The following RASSF9 variants were observed in gnomAD, a reference collection of about 807,000 sequenced individuals.
RASSF9 encodes Ras association domain family member 9.
RASSF9 carries 18 observed loss-of-function variants against 21.4 expected under a neutral mutation model. The observed-to-expected ratio is 0.84, with a 90% confidence interval of 0.58 to 1.25. The LOEUF is 1.25. RASSF9 is among the 50% of genes most tolerant of loss of function. RASSF9 has a pLI of 0.00. For synonymous variants in RASSF9, 183 were observed against 179.1 expected (o/e 1.02, Z -0.18); for missense variants, 480 against 503.2 (o/e 0.95, Z 0.44).
At chr12:85,821,429 G>T (rs1253449361) in intron 1 of RASSF9, among the ~76,000 whole-genome samples, 1 of 152,110 alleles carries the variant, frequency 6.6e-6, no homozygotes, top group Non-Finnish European at 1.5e-5. Flanking sequence ...TTCTTAGGTT[G>T]CTAAGGAAAT....
chr12:85,825,855 A>T (rs1880322593), intron 1 of RASSF9, among the ~76,000 whole-genome samples: 1 of 151,980 alleles, frequency 6.6e-6, no homozygotes, highest in Admixed American at 6.6e-5. Flanking sequence ...GTTTGAAAGC[A>T]ATTTCAACCA....
In RASSF9 at chr12:85,836,189, C is replaced by T. The variant is rs1230120610; in HGVS notation, c.13G>A (p.Gly5Arg). Residue 5 changes from glycine (G) to arginine (R), a missense_variant, in exon 1 of 2, where the codon GGA becomes AGA. Coordinates refer to ENST00000361228, the MANE Select transcript of RASSF9 (RefSeq NM_005447.4). ...TGCCGAGTCTTTAGCAAGTTTCTTC[C>T]AAAGGGAGCCATGGTCTGTCGGGCA... MAPF[G>R]RNLLKTRHKN... is the part of the protein sequence containing the mutation. 23 of 1,541,746 alleles carry T rather than the reference C, an allele frequency of 1.5e-5. No individual in the cohort carries two copies. In the East Asian group the frequency reaches 1.7e-4, roughly 12 times the overall value.
intron 1 of RASSF9, 94 bp downstream of exon 1, chr12:85,836,056 CACAAA>C: frequency 6.5e-7 from 1 of 1,538,878 alleles, no homozygotes; most frequent in Admixed American, 2.0e-5. Flanking sequence ...ATCTAACAAC[CACAAA>C]ACACATACTT....
At chr12:85,821,450 G>A (rs1051260582) in intron 1 of RASSF9, among the ~76,000 whole-genome samples, 11 of 152,080 alleles carry the variant, frequency 7.2e-5, no homozygotes, top group African/African-American at 2.7e-4. Flanking sequence ...TTGAATCACT[G>A]TTTTGATAGA....
At chr12:85,819,707 G>C (rs1280302588) in intron 1 of RASSF9, among the ~76,000 whole-genome samples, 1 of 152,144 alleles carries the variant, frequency 6.6e-6, no homozygotes. Flanking sequence ...CAATATATGT[G>C]AAGTTCCTAA....
intron 1 of RASSF9, among the ~76,000 whole-genome samples, chr12:85,810,833 C>T (rs1291114422): frequency 2.0e-5 from 3 of 151,892 alleles, no homozygotes; most frequent in Non-Finnish European, 2.9e-5. Flanking sequence ...AGTTGAGACA[C>T]ACAACCTCTG....
rs1565756728 is a variant in RASSF9, at chr12:85,825,809, CACACA to C, written c.47+10341_47+10345del. 3.6e-3 allele frequency among the ~76,000 whole-genome samples: 549 copies of C among 152,076 alleles called. 3 individuals carry two copies. Among genetic ancestry groups the C allele is most frequent in the African/African-American group, 0.013 (530 of 41,460 alleles). On this transcript the variant is annotated intron_variant, in intron 1 of 1. Transcript: ENST00000361228. Reference sequence around the variant, plus strand: ...ACACACACACACACACACACACACACACACACCCTTACAGTCTAGTGGAAATAATG... The same window carrying C: ...ACACACACACACACACACACACACACCCCTTACAGTCTAGTGGAAATAATG...
At chr12:85,821,789 C>T (rs892074643) in intron 1 of RASSF9, among the ~76,000 whole-genome samples, 82 of 151,884 alleles carry the variant, frequency 5.4e-4, no homozygotes, top group African/African-American at 1.9e-3. Context: ...CCATAGTGGC[C>T]GGGTAGCTAT....
At chr12:85,825,552 C>G (rs1002804234) in intron 1 of RASSF9, among the ~76,000 whole-genome samples, 2 of 152,040 alleles carry the variant, frequency 1.3e-5, no homozygotes, top group East Asian at 3.9e-4. Context: ...TGTTTTCATA[C>G]TACAAGGACA....
At chr12:85,811,393 C>T (rs1370142731) in intron 1 of RASSF9, among the ~76,000 whole-genome samples, 2 of 151,654 alleles carry the variant, frequency 1.3e-5, no homozygotes. Flanking sequence ...CTAATGGGCA[C>T]CTCTATAGGA....
chr12:85,836,169 A>G lies in RASSF9; in HGVS notation c.33T>C (p.Thr11=). The G allele has an allele frequency of 2.7e-6, 4 of 1,490,014 alleles. No homozygotes were observed. Among genetic ancestry groups the G allele is most frequent in the Non-Finnish European group, 3.6e-6 (4 of 1,109,318 alleles). The allele number at this position is 1,490,014 out of a possible 1,614,324, so 92.3% of individuals were successfully genotyped here. The change falls in exon 1 of 2, where the codon ACT becomes ACC. Residue 11 remains threonine, a synonymous_variant. Coordinates refer to ENST00000361228, the MANE Select transcript of RASSF9 (RefSeq NM_005447.4). The part of the protein sequence containing the change: MAPFGRNLLK[T]RHKNRSPTKD... ...CTTGACTTTACCTGTTTTTATGCCG[A>G]GTCTTTAGCAAGTTTCTTCCAAAGG...
chr12:85,806,275 C>T (rs1303964436), intron 1 of RASSF9, among the ~76,000 whole-genome samples: 2 of 151,280 alleles, frequency 1.3e-5, no homozygotes, highest in Admixed American at 6.6e-5. Context: ...TGGTCTCGAT[C>T]TCCTGACCTT....
In RASSF9 at chr12:85,805,377, A is replaced by G. The variant is rs1486650036; in HGVS notation, c.633T>C (p.Ile211=). The G allele has an allele frequency of 6.2e-7, 1 of 1,613,434 alleles. No homozygotes were observed. The highest frequency in any genetic ancestry group is 1.1e-5 in the South Asian group (1 of 91,048). Residue 211 remains isoleucine (I), a synonymous_variant, in exon 2 of 2, where the codon ATT becomes ATC. Transcript: ENST00000361228. ...VKRMKELDLE[I]EKCEAKFHLD... Reference sequence around the variant, plus strand: ...GATGGAACTTAGCTTCACACTTTTCAATTTCCAGATCCAGCTCTTTCATTC... The same window carrying G: ...GATGGAACTTAGCTTCACACTTTTCGATTTCCAGATCCAGCTCTTTCATTC...
chr12:85,816,265 T>G (rs1880061768), intron 1 of RASSF9, among the ~76,000 whole-genome samples: 1 of 151,266 alleles, frequency 6.6e-6, no homozygotes, highest in South Asian at 2.1e-4. Context: ...GACAAAAGTT[T>G]ACCTATGTAA....
rs189070298 is a variant in RASSF9, at chr12:85,822,739, T to C, written c.47+13416A>G. 9.6e-4 allele frequency among the ~76,000 whole-genome samples: 146 copies of C among 152,294 alleles called. 2 individuals are homozygous for C. The highest frequency in any genetic ancestry group is 3.2e-3 in the African/African-American group (133 of 41,558). On this transcript the variant is annotated intron_variant, in intron 1 of 1. Transcript: ENST00000361228. ...TAATTCACCCCTTCGTAAACTCTTTTTATCTTCTGCCTTTTTCTCTGGTTC... is the reference window on the plus strand; with the variant it reads ...TAATTCACCCCTTCGTAAACTCTTTCTATCTTCTGCCTTTTTCTCTGGTTC...
chr12:85,831,951 A>T (rs567640846), intron 1 of RASSF9, among the ~76,000 whole-genome samples: 4 of 151,970 alleles, frequency 2.6e-5, no homozygotes, highest in African/African-American at 4.8e-5. Context: ...TTATGTATCA[A>T]TTATAAAACA....
intron 1 of RASSF9, among the ~76,000 whole-genome samples, chr12:85,810,984 G>A (rs1210629279): frequency 6.6e-6 from 1 of 151,718 alleles, no homozygotes; most frequent in African/African-American, 2.4e-5. Flanking sequence ...TCTAATTTAT[G>A]AAATCTCATA....
chr12:85,804,664 T>C lies in RASSF9; in HGVS notation c.*38A>G. 2 of 1,491,572 alleles carry C rather than the reference T, an allele frequency of 1.3e-6. No individual in the cohort carries two copies. Among genetic ancestry groups the C allele is most frequent in the South Asian group, 2.8e-5 (2 of 71,508 alleles). 92.4% of individuals were successfully genotyped at this position (1,491,572 alleles called of 1,614,324 possible). The stretch of plus-strand genomic sequence containing the variant: ...GGTTTCCTATTAAATTAAACAAACA[T>C]TAAAACATGAAAGCAGGTCAGAAAG... On this transcript the variant is annotated 3_prime_UTR_variant, in exon 2 of 2. Transcript: ENST00000361228.
At chr12:85,814,600 C>T (rs748414187) in intron 1 of RASSF9, among the ~76,000 whole-genome samples, 3 of 151,888 alleles carry the variant, frequency 2.0e-5, no homozygotes, top group Non-Finnish European at 4.4e-5. Flanking sequence ...ACCCACCAAT[C>T]TCAAGTAGTC....
Sources: gnomAD v4.1 joint callset for allele counts (sites outside exome capture counted in the v4.1 genomes callset) on GRCh38, gnomAD v4.1.1 for gene constraint, MANE v1.5 for transcripts, NCBI Gene and HGNC (gene_info 2026-07-23, HGNC 2026-07-21) for gene names.